FHIT: variants seen among roughly 807,000 people sequenced by gnomAD.
The protein encoded by FHIT is fragile histidine triad diadenosine triphosphatase.
Under a neutral mutation model 17.9 loss-of-function variants are expected in FHIT, and 19 were observed. The ratio of observed to expected loss-of-function variants is 1.06; its 90% CI spans 0.74 to 1.56. The LOEUF (loss-of-function observed/expected upper bound fraction) is 1.56. Among genes scored for constraint, FHIT ranks in the 40% most tolerant of loss-of-function variants. FHIT has a pLI of 0.00. For synonymous variants in FHIT, 81 were observed against 69.7 expected, an observed-to-expected ratio of 1.16 and a Z score of -0.81; for missense variants, 248 against 189.2, an observed-to-expected ratio of 1.31 and a Z score of -1.82.
intron 3 of FHIT, among the ~76,000 whole-genome samples, chr3:60,930,092 C>T (rs1428033235): frequency 6.6e-6 from 1 of 152,120 alleles, no homozygotes; most frequent in Non-Finnish European, 1.5e-5. Context: ...TTTGACAAAC[C>T]TGAGAAAAAC....
At chr3:60,770,826 A>G (rs917421168) in intron 4 of FHIT, among the ~76,000 whole-genome samples, 1 of 152,258 alleles carries the variant, frequency 6.6e-6, no homozygotes, top group Non-Finnish European at 1.5e-5. Context: ...CTGGGTCTAC[A>G]ATGATTCTTC....
chr3:60,802,857 G>A (rs547415550), intron 4 of FHIT, among the ~76,000 whole-genome samples: 7 of 152,150 alleles, frequency 4.6e-5, no homozygotes, highest in East Asian at 3.9e-4. Flanking sequence ...GCATAGATAC[G>A]TTGGTATGAG....
intron 7 of FHIT, among the ~76,000 whole-genome samples, chr3:59,958,092 C>G (rs1707491707): frequency 6.6e-6 from 1 of 152,188 alleles, no homozygotes; most frequent in African/African-American, 2.4e-5. Flanking sequence ...GCATAGGTAG[C>G]CATATTATCC....
At chr3:60,272,395 G>A (rs2107629754) in intron 5 of FHIT, among the ~76,000 whole-genome samples, 1 of 152,292 alleles carries the variant, frequency 6.6e-6, no homozygotes, top group African/African-American at 2.4e-5. Flanking sequence ...TGCAAAGGCA[G>A]AGATAGAGAC....
chr3:59,824,304 G>C (rs1361784545), intron 8 of FHIT, among the ~76,000 whole-genome samples: 2 of 152,170 alleles, frequency 1.3e-5, no homozygotes, highest in Non-Finnish European at 2.9e-5. Flanking sequence ...AATGGGAATA[G>C]AGGCATGGAC....
chr3:60,017,268 ACCTACAAT>A (rs1700377681), intron 5 of FHIT, among the ~76,000 whole-genome samples: 1 of 152,186 alleles, frequency 6.6e-6, no homozygotes, highest in African/African-American at 2.4e-5. Flanking sequence ...AGCAGACGAG[ACCTACAAT>A]CCCACAATGA....
chr3:61,209,598 T>C (rs2039384635), intron 1 of FHIT, among the ~76,000 whole-genome samples: 1 of 152,228 alleles, frequency 6.6e-6, no homozygotes, highest in Admixed American at 6.5e-5. Flanking sequence ...TTCCAGTTGA[T>C]CGCATCGGCT....
chr3:60,192,276 G>A (rs1449978791), intron 5 of FHIT, among the ~76,000 whole-genome samples: 1 of 149,982 alleles, frequency 6.7e-6, no homozygotes, highest in African/African-American at 2.4e-5. Context: ...AAAGTTAAAG[G>A]ATAGACAGGC....
At chr3:60,984,405 C>T (rs573446399) in intron 3 of FHIT, among the ~76,000 whole-genome samples, 1 of 152,212 alleles carries the variant, frequency 6.6e-6, no homozygotes, top group African/African-American at 2.4e-5. Flanking sequence ...CCCCACCTAC[C>T]AATACACCCA....
At chr3:60,716,022 A>C (rs2107950674) in intron 4 of FHIT, among the ~76,000 whole-genome samples, 1 of 152,186 alleles carries the variant, frequency 6.6e-6, no homozygotes, top group East Asian at 1.9e-4. Context: ...AGGCCAAGGC[A>C]GGCGGATCAC....
At chr3:60,258,274 G>A (rs1706117428) in intron 5 of FHIT, among the ~76,000 whole-genome samples, 4 of 152,082 alleles carry the variant, frequency 2.6e-5, no homozygotes, top group African/African-American at 9.7e-5. Context: ...CCTGAGCCCT[G>A]TGCTCCCAGA....
At chr3:59,882,276 T>C (rs1703439868) in intron 8 of FHIT, among the ~76,000 whole-genome samples, 1 of 152,176 alleles carries the variant, frequency 6.6e-6, no homozygotes. Context: ...TGTTTGGAAG[T>C]ATAAAGTTAA....
intron 3 of FHIT, among the ~76,000 whole-genome samples, chr3:60,890,031 G>A (rs1705430032): frequency 6.6e-6 from 1 of 152,054 alleles, no homozygotes; most frequent in Admixed American, 6.6e-5. Flanking sequence ...ATAAAACTGT[G>A]TCAACACATG....
At chr3:60,080,631 G>A (rs1004895735) in intron 5 of FHIT, among the ~76,000 whole-genome samples, 2 of 152,092 alleles carry the variant, frequency 1.3e-5, no homozygotes, top group African/African-American at 4.8e-5. Flanking sequence ...GCTGGAGACT[G>A]CACGAAATTG....
At chr3:60,136,315 A>G (rs1355408582) in intron 5 of FHIT, among the ~76,000 whole-genome samples, 1 of 152,178 alleles carries the variant, frequency 6.6e-6, no homozygotes, top group East Asian at 1.9e-4. Flanking sequence ...AACTGTACTA[A>G]CAGAGCCAAG....
chr3:60,204,230 A>C (rs1461609944), intron 5 of FHIT, among the ~76,000 whole-genome samples: 1 of 152,086 alleles, frequency 6.6e-6, no homozygotes, highest in African/African-American at 2.4e-5. Flanking sequence ...TGAAAATGAG[A>C]AATTAAAAAA....
At chr3:60,406,556 C>A (rs145234547) in intron 5 of FHIT, among the ~76,000 whole-genome samples, 145 of 152,230 alleles carry the variant, frequency 9.5e-4, no homozygotes, top group African/African-American at 3.2e-3. Flanking sequence ...CGTTTGCTTT[C>A]ACTGTATGTT....
At chr3:60,512,762 T>A (rs2034998578) in intron 5 of FHIT, among the ~76,000 whole-genome samples, 1 of 152,106 alleles carries the variant, frequency 6.6e-6, no homozygotes, top group African/African-American at 2.4e-5. Flanking sequence ...GAGAAAACAA[T>A]GAGATGGATC....
chr3:59,922,599 A>G (rs1437486232), intron 7 of FHIT, among the ~76,000 whole-genome samples, 185 bp from the exon 8 acceptor site: 1 of 152,158 alleles, frequency 6.6e-6, no homozygotes, highest in Non-Finnish European at 1.5e-5. Context: ...TGCACTAAGC[A>G]AGAGAGAACA....
Sources: allele counts gnomAD v4.1 joint callset (sites outside exome capture counted in the v4.1 genomes callset), GRCh38; gene constraint gnomAD v4.1.1; transcripts MANE v1.5; gene names NCBI Gene and HGNC (gene_info 2026-07-23, HGNC 2026-07-21).